Variants in KIF5C observed in about 807,000 individuals in gnomAD.
KIF5C encodes kinesin heavy chain isoform 5C.
Under a neutral mutation model 125.2 loss-of-function variants are expected in KIF5C, and 18 were observed. The ratio of observed to expected loss-of-function variants is 0.14; its 90% confidence interval spans 0.10 to 0.21. The LOEUF is 0.21. Ranked by LOEUF, KIF5C falls within the 10% of genes least tolerant of loss-of-function variation. KIF5C has a pLI of 1.00. For missense variants in KIF5C, 780 were observed against 1,183.8 expected (o/e 0.66, Z 5.01); for synonymous variants, 405 against 434.0 (o/e 0.93, Z 0.83).
intron 3 of KIF5C, among the ~76,000 whole-genome samples, chr2:148,934,260 A>G (rs577297075): frequency 4.0e-5 from 6 of 151,304 alleles, no homozygotes; most frequent in Non-Finnish European, 8.9e-5. Context: ...CCACATACAA[A>G]CACACCACAC....
Position 148,898,460 on chromosome 2 carries a change from T to C in KIF5C, c.126+22717T>C, listed in dbSNP as rs1006680228. Reference sequence around the variant, plus strand: ...GTTGCATGACCAGTGGGAATTAAGGTTGCAGATGGAGTTATGGTTGTTAAC... The same window carrying C: ...GTTGCATGACCAGTGGGAATTAAGGCTGCAGATGGAGTTATGGTTGTTAAC... On this transcript the variant is annotated intron_variant, in intron 1 of 25. Transcript: ENST00000435030. 6.6e-5 allele frequency among the ~76,000 whole-genome samples: 10 copies of C among 152,304 alleles called. No homozygotes were observed. The East Asian group carries it at 1.7e-3, about 26-fold the overall frequency.
At position 149,008,566 on chromosome 2, in the gene KIF5C, T is replaced by C. The variant is rs369386289; in HGVS notation, c.2550+499T>C. 6.6e-5 allele frequency among the ~76,000 whole-genome samples: 10 copies of C among 152,334 alleles called. No homozygotes were observed. In the East Asian group the frequency reaches 1.9e-3, roughly 29 times the overall value. The stretch of plus-strand genomic sequence containing the variant: ...CTGCTCAGCTGCCCATTCCTAGCGA[T>C]CTCAGATGCTCTCTCGGATGCCTGC... On this transcript the variant is annotated intron_variant, in intron 23 of 25. Transcript: ENST00000435030.
chr2:148,927,302 G>T (rs1682040763), intron 2 of KIF5C, among the ~76,000 whole-genome samples: 1 of 152,180 alleles, frequency 6.6e-6, no homozygotes, highest in Non-Finnish European at 1.5e-5. Flanking sequence ...GGTGTGGCCG[G>T]TTGCTCAGTA....
At chr2:148,978,390 G>A (rs998106275) in intron 12 of KIF5C, among the ~76,000 whole-genome samples, 17 of 126,146 alleles carry the variant, frequency 1.3e-4, no homozygotes, top group African/African-American at 4.5e-4. Context: ...ACTTCCAATC[G>A]AGAGGGAGGT....
At chr2:148,882,938 C>A (rs961112138) in intron 1 of KIF5C, among the ~76,000 whole-genome samples, 6 of 152,184 alleles carry the variant, frequency 3.9e-5, no homozygotes, top group African/African-American at 1.2e-4. Context: ...AGGCCTAGAA[C>A]AGAGTAGTTG....
chr2:148,981,335 A>G lies in KIF5C; in HGVS notation c.1363-20A>G. On this transcript the variant is annotated intron_variant, in intron 13 of 25. Transcript: ENST00000435030. The stretch of plus-strand genomic sequence containing the variant: ...TTTGAACATTAGATTCACAAGTTCC[A>G]TGCCATCTCATTTCCCCAGCTTTTA... 1 of 1,595,232 alleles carries G rather than the reference A, an allele frequency of 6.3e-7. No individual in the cohort carries two copies. The highest frequency in any genetic ancestry group is 8.5e-7 in the Non-Finnish European group (1 of 1,171,084).
At chr2:149,017,739 G>A (rs186379951) in intron 25 of KIF5C, among the ~76,000 whole-genome samples, 1 of 152,142 alleles carries the variant, frequency 6.6e-6, no homozygotes, top group Non-Finnish European at 1.5e-5. Context: ...CAGATCCCCA[G>A]AGTTGATTTA....
chr2:149,004,105 T>C (rs1681935104), intron 21 of KIF5C, among the ~76,000 whole-genome samples: 1 of 152,246 alleles, frequency 6.6e-6, no homozygotes, highest in Non-Finnish European at 1.5e-5. Context: ...TTATTCATAA[T>C]CACAGATCCA....
At chr2:149,011,534 T>A (rs1000336328) in intron 24 of KIF5C, 36 bp from the exon 25 acceptor site, 1 of 1,612,166 alleles carries the variant, frequency 6.2e-7, no homozygotes, top group African/African-American at 1.3e-5. Context: ...CTTTTCTAAA[T>A]GTCTGTTCTC....
At chr2:149,010,819 G>A (rs547148411) in intron 24 of KIF5C, among the ~76,000 whole-genome samples, 1 of 152,342 alleles carries the variant, frequency 6.6e-6, no homozygotes, top group South Asian at 2.1e-4. Flanking sequence ...TGGCATCCAT[G>A]ACAGGGTGTG....
At chr2:148,927,108 G>A (rs1682032599) in intron 2 of KIF5C, among the ~76,000 whole-genome samples, 1 of 152,214 alleles carries the variant, frequency 6.6e-6, no homozygotes, top group African/African-American at 2.4e-5. Flanking sequence ...AGCCACGGAC[G>A]AGCTCTGGTT....
rs116234285 is a variant in KIF5C at position 148,896,261 on chromosome 2, G to C, written c.126+20518G>C. On this transcript the variant is annotated intron_variant, in intron 1 of 25. Coordinates refer to ENST00000435030, the MANE Select transcript of KIF5C (RefSeq NM_004522.3). Reference sequence around the variant, plus strand: ...AGAGCTCTCAGCGAGCCCTCCTAGAGAGTGGCTTGTGTGAGCAGTGAACAA... The same window carrying C: ...AGAGCTCTCAGCGAGCCCTCCTAGACAGTGGCTTGTGTGAGCAGTGAACAA... Among the ~76,000 whole-genome samples, 898 of 152,314 alleles carry C rather than the reference G, an allele frequency of 5.9e-3. 14 individuals carry two copies. The Middle Eastern group carries it at 0.065, about 11-fold the overall frequency.
In KIF5C at chr2:148,896,086, C is replaced by T. The variant is rs548824432; in HGVS notation, c.126+20343C>T. On this transcript the variant is annotated intron_variant, in intron 1 of 25. Transcript: ENST00000435030. ...GGGGTGGACCCAGTTGTGTCTATAA[C>T]GAGTAGCATATACTAAAGCCATTAT... Among the ~76,000 whole-genome samples, 8 of 152,280 alleles carry T rather than the reference C, an allele frequency of 5.3e-5. No individual in the cohort carries two copies. In the East Asian group the frequency reaches 5.8e-4, roughly 11 times the overall value.
At chr2:148,991,246 T>C in intron 16 of KIF5C, 48 bp downstream of exon 16, 1 of 1,587,224 alleles carries the variant, frequency 6.3e-7, no homozygotes, top group Non-Finnish European at 8.6e-7. Context: ...TCTTGAGATC[T>C]GCTCCCTCCA....
Position 148,981,136 on chromosome 2 carries a change from A to ATTTGT in KIF5C, c.1363-219_1363-218insTTTGT, listed in dbSNP as rs765676632. ...ACAACAACAAAACATACAAAACAAA[A>ATTTGT]CACATGCACACAAAACAGATTTTTG... On this transcript the variant is annotated intron_variant, in intron 13 of 25. Transcript: ENST00000435030. 1.6e-3 allele frequency among the ~76,000 whole-genome samples: 250 copies of ATTTGT among 152,322 alleles called. 1 individual carries two copies. The highest frequency in any genetic ancestry group is 2.4e-3 in the Non-Finnish European group (166 of 68,026).
rs1266520203 is a variant in KIF5C at position 149,007,974 on chromosome 2, G to T, written c.2457G>T (p.Leu819Phe). The T allele has an allele frequency of 1.2e-6, 2 of 1,608,104 alleles. No individual in the cohort carries two copies. The highest frequency in any genetic ancestry group is 1.7e-6 in the Non-Finnish European group (2 of 1,175,828). ...LTTRVKKSVE[L>F]DNDDGGGSAA... ...TGGTGTCAATGCAGAGTGTGGAGTT[G>T]GACAACGATGATGGAGGGGGCAGTG... Residue 819 changes from leucine (L) to phenylalanine (F), a missense_variant, in exon 23 of 26, where the codon TTG (leucine) becomes TTT (phenylalanine). By Grantham distance (22) the Leu-to-Phe change is conservative. Transcript: ENST00000435030.
At chr2:149,017,215 G>A (rs913114821) in intron 25 of KIF5C, among the ~76,000 whole-genome samples, 1 of 152,184 alleles carries the variant, frequency 6.6e-6, no homozygotes, top group African/African-American at 2.4e-5. Flanking sequence ...TTACAGCATA[G>A]TTGTGTGCGA....
At chr2:148,907,865 A>G (rs1681177260) in intron 1 of KIF5C, among the ~76,000 whole-genome samples, 2 of 152,238 alleles carry the variant, frequency 1.3e-5, no homozygotes, top group African/African-American at 4.8e-5. Flanking sequence ...TACCCGGGAC[A>G]GTCAACTGGG....
rs557176827 is a variant in KIF5C at position 148,997,307 on chromosome 2, T to C, written c.2067T>C (p.His689=). 4 of 1,614,010 alleles carry C rather than the reference T, an allele frequency of 2.5e-6. No homozygotes were observed. Among genetic ancestry groups the C allele is most frequent in the Non-Finnish European group, 3.4e-6 (4 of 1,179,884 alleles). The change falls in exon 18 of 26, where the codon CAT becomes CAC. Residue 689 remains histidine, a synonymous_variant. Coordinates refer to ENST00000435030, the MANE Select transcript of KIF5C (RefSeq NM_004522.3). The part of the protein sequence containing the change: ...EVSFQDKEKE[H]LTRLQDAEEM... ...GCTTCCAGGATAAGGAGAAGGAACATCTGACGCGGTTGCAGGATGCTGAAG... is the reference window on the plus strand; with the variant it reads ...GCTTCCAGGATAAGGAGAAGGAACACCTGACGCGGTTGCAGGATGCTGAAG...
Sources: allele counts gnomAD v4.1 joint callset (sites outside exome capture counted in the v4.1 genomes callset), GRCh38; gene constraint gnomAD v4.1.1; transcripts MANE v1.5; gene names NCBI Gene and HGNC (gene_info 2026-07-23, HGNC 2026-07-21).